Variants in BICD1 observed in about 807,000 individuals in gnomAD.
BICD1 encodes the protein BICD cargo adaptor 1.
In BICD1, 35 loss-of-function variants were observed where a neutral mutation model predicts 92.5. That is an observed-to-expected ratio of 0.38 (90% confidence interval 0.29 to 0.50). The LOEUF (loss-of-function observed/expected upper bound fraction) is 0.50, where lower values mean the gene tolerates loss of function less well. BICD1 is among the 20% of genes least tolerant of loss of function. The pLI is 0.93. For synonymous variants in BICD1, 429 were observed against 465.1 expected (o/e 0.92, Z 1.00); for missense variants, 950 against 1,189.8 (o/e 0.80, Z 2.97).
intron 2 of BICD1, among the ~76,000 whole-genome samples, chr12:32,232,247 C>T (rs1440517300): frequency 2.7e-5 from 4 of 148,480 alleles, no homozygotes; most frequent in Non-Finnish European, 6.0e-5. Flanking sequence ...TCTCCAGCAC[C>T]TGTTGTTTCC....
chr12:32,335,580 C>CTTTTTTT (rs11423390), intron 6 of BICD1, among the ~76,000 whole-genome samples: 1 of 131,938 alleles, frequency 7.6e-6, no homozygotes, highest in Non-Finnish European at 1.6e-5. Flanking sequence ...AAAAGACCTA[C>CTTTTTTT]TTTTTTTTTT....
At chr12:32,241,497 A>G (rs1412635149) in intron 2 of BICD1, among the ~76,000 whole-genome samples, 1 of 152,200 alleles carries the variant, frequency 6.6e-6, no homozygotes, top group African/African-American at 2.4e-5. Flanking sequence ...ATGGAGGCAG[A>G]TACTACTTGG....
intron 1 of BICD1, among the ~76,000 whole-genome samples, chr12:32,165,121 G>T (rs866403363): frequency 6.6e-6 from 1 of 152,306 alleles, no homozygotes; most frequent in South Asian, 2.1e-4. Context: ...TTACAATAAA[G>T]ATGGATTAGG....
chr12:32,200,188 C>A (rs896209918), intron 1 of BICD1, among the ~76,000 whole-genome samples: 2 of 152,170 alleles, frequency 1.3e-5, no homozygotes, highest in Non-Finnish European at 2.9e-5. Flanking sequence ...GGCTTCCATC[C>A]ACTTCTGCTT....
chr12:32,368,309 G>A (rs1399209173), intron 9 of BICD1, among the ~76,000 whole-genome samples: 1 of 151,866 alleles, frequency 6.6e-6, no homozygotes, highest in African/African-American at 2.4e-5. Flanking sequence ...AGGCTGCAGC[G>A]AGCTATGATA....
chr12:32,358,954 T>A (rs1051152897), intron 8 of BICD1, among the ~76,000 whole-genome samples: 1 of 152,202 alleles, frequency 6.6e-6, no homozygotes, highest in African/African-American at 2.4e-5. Context: ...CTCTTCCTTT[T>A]CTGTCATTGC....
intron 2 of BICD1, among the ~76,000 whole-genome samples, chr12:32,248,657 A>G (rs1946448973): frequency 6.6e-6 from 1 of 152,184 alleles, no homozygotes. Flanking sequence ...AGAACTGGGA[A>G]GCTGGGGAGC....
rs574362956 is a variant in BICD1 at position 32,303,494 on chromosome 12, G to C, written c.580-2203G>C. 9.6e-4 allele frequency among the ~76,000 whole-genome samples: 146 copies of C among 152,256 alleles called. 1 individual carries two copies. The highest frequency in any genetic ancestry group is 1.6e-3 in the Non-Finnish European group (107 of 68,014). ...GGGCCCAGTGCTGCCCAGAGTAAAGGCTACATTCTTCACTCCTCCTCGCAG... is the reference window on the plus strand; with the variant it reads ...GGGCCCAGTGCTGCCCAGAGTAAAGCCTACATTCTTCACTCCTCCTCGCAG... On this transcript the variant is annotated intron_variant, in intron 3 of 9. Transcript: ENST00000652176.
intron 4 of BICD1, among the ~76,000 whole-genome samples, chr12:32,315,676 C>A (rs1948478925): frequency 6.6e-6 from 1 of 152,014 alleles, no homozygotes; most frequent in Non-Finnish European, 1.5e-5. Flanking sequence ...ACAGATGGTC[C>A]TTGACTTGTG....
intron 5 of BICD1, among the ~76,000 whole-genome samples, chr12:32,329,640 C>A (rs1005956390): frequency 2.6e-5 from 4 of 152,146 alleles, no homozygotes; most frequent in Non-Finnish European, 5.9e-5. Flanking sequence ...GTGCTACTGA[C>A]CACGTATCTG....
intron 1 of BICD1, among the ~76,000 whole-genome samples, chr12:32,152,319 G>C (rs1423508094): frequency 1.3e-5 from 2 of 150,702 alleles, no homozygotes; most frequent in East Asian, 3.9e-4. Flanking sequence ...CATGATCATA[G>C]CTCACTTTAA....
rs1467728893 is a variant in BICD1 at position 32,107,509 on chromosome 12, G to T, written c.178G>T (p.Asp60Tyr). The T allele has an allele frequency of 3.1e-6, 5 of 1,603,242 alleles. No individual in the cohort carries two copies. The highest frequency in any genetic ancestry group is 4.3e-6 in the Non-Finnish European group (5 of 1,175,416). Residue 60 changes from aspartate to tyrosine, a missense_variant, in exon 1 of 10, where the codon GAC becomes TAC. Coordinates refer to ENST00000652176, the MANE Select transcript of BICD1 (RefSeq NM_001714.4). ...GTATGATGAACTGGAGGCTGAGTACGACAGCCTCAAACAGGAGCTGGAGCA... is the reference window on the plus strand; with the variant it reads ...GTATGATGAACTGGAGGCTGAGTACTACAGCCTCAAACAGGAGCTGGAGCA... ...QQYDELEAEYDSLKQELEQLK... is the reference protein window; with the variant it reads ...QQYDELEAEYYSLKQELEQLK...
intron 1 of BICD1, among the ~76,000 whole-genome samples, chr12:32,189,217 A>T (rs1244061735): frequency 6.6e-6 from 1 of 152,226 alleles, no homozygotes; most frequent in Non-Finnish European, 1.5e-5. Context: ...GCCTTTAAGG[A>T]GGAATAACCC....
At chr12:32,117,615 T>A (rs1218020294) in intron 1 of BICD1, among the ~76,000 whole-genome samples, 1 of 151,656 alleles carries the variant, frequency 6.6e-6, no homozygotes, top group African/African-American at 2.4e-5. Flanking sequence ...CTCCAGAATC[T>A]TCTTTTTCAC....
At chr12:32,309,991 A>G (rs142658891) in intron 4 of BICD1, among the ~76,000 whole-genome samples, 1 of 152,162 alleles carries the variant, frequency 6.6e-6, no homozygotes, top group East Asian at 1.9e-4. Flanking sequence ...AAAACACTGC[A>G]TGGGAGAGGC....
intron 4 of BICD1, among the ~76,000 whole-genome samples, chr12:32,318,854 G>GA (rs1012451969): frequency 2.6e-5 from 4 of 151,484 alleles, no homozygotes; most frequent in African/African-American, 7.3e-5. Context: ...AACTCCATCT[G>GA]AAAAAAAAAT....
At chr12:32,190,466 A>G (rs1198444366) in intron 1 of BICD1, among the ~76,000 whole-genome samples, 2 of 152,282 alleles carry the variant, frequency 1.3e-5, no homozygotes, top group African/African-American at 2.4e-5. Context: ...ATCAGACTAA[A>G]TAGACTTTCA....
intron 2 of BICD1, among the ~76,000 whole-genome samples, chr12:32,275,781 T>C (rs1042118182): frequency 6.6e-6 from 1 of 152,194 alleles, no homozygotes; most frequent in African/African-American, 2.4e-5. Flanking sequence ...CCGATTGTGC[T>C]AAAAGCTTGC....
At chr12:32,326,098 A>G (rs951128615) in intron 4 of BICD1, among the ~76,000 whole-genome samples, 7 of 151,052 alleles carry the variant, frequency 4.6e-5, no homozygotes, top group Admixed American at 6.6e-5. Context: ...AAAAAAAAAA[A>G]AAAGAAAGTT....
Sources: gnomAD v4.1 joint callset for allele counts (sites outside exome capture counted in the v4.1 genomes callset) on GRCh38, gnomAD v4.1.1 for gene constraint, MANE v1.5 for transcripts, NCBI Gene and HGNC (gene_info 2026-07-23, HGNC 2026-07-21) for gene names.